TENM2: variants seen among roughly 807,000 people sequenced by gnomAD.
TENM2 encodes teneurin-2.
TENM2 carries 52 observed loss-of-function variants against 245.2 expected under a neutral mutation model. That is an observed-to-expected ratio of 0.21 (90% CI 0.17 to 0.27). The LOEUF is 0.27. TENM2 is among the 10% of genes least tolerant of loss of function. The pLI, the probability that TENM2 is intolerant of heterozygous loss-of-function variation, is 1.00. For synonymous variants in TENM2, 1,363 were observed against 1,438.9 expected (o/e 0.95, Z 1.19); for missense variants, 3,046 against 3,666.8 (o/e 0.83, Z 4.37).
intron 2 of TENM2, among the ~76,000 whole-genome samples, chr5:167,453,363 G>A (rs1339452287): frequency 3.9e-5 from 6 of 151,960 alleles, no homozygotes; most frequent in African/African-American, 7.3e-5. Flanking sequence ...TCCTCTAATT[G>A]AAGAAAGAAA....
intron 3 of TENM2, among the ~76,000 whole-genome samples, chr5:167,876,446 A>G (rs774665551): frequency 3.3e-5 from 5 of 152,172 alleles, no homozygotes; most frequent in Non-Finnish European, 7.3e-5. Context: ...GCCCATTGCT[A>G]CATGTGTGAG....
intron 2 of TENM2, among the ~76,000 whole-genome samples, chr5:167,704,777 AT>A (rs1313760089): frequency 1.3e-5 from 2 of 152,072 alleles, no homozygotes; most frequent in African/African-American, 2.4e-5. Context: ...AGTACTTTAA[AT>A]TTTTGTGCAT....
rs1284767325 is a variant in TENM2 at position 168,064,017 on chromosome 5, T to C, written c.1515+1752T>C. Among the ~76,000 whole-genome samples, 5 of 152,058 alleles carry C rather than the reference T, an allele frequency of 3.3e-5. 1 individual carries two copies. Among genetic ancestry groups the C allele is most frequent in the East Asian group, 3.9e-4 (2 of 5,160 alleles). On this transcript the variant is annotated intron_variant, in intron 7 of 28. Coordinates refer to ENST00000518659, the Ensembl canonical transcript of TENM2. ...AAATATTTATAGGGCTAGACACTGA[T>C]TATCTGGAGATGAGTTAACACAGCC... is the stretch of plus-strand genomic sequence containing the variant.
chr5:168,007,374 C>T (rs1478575723), intron 5 of TENM2, among the ~76,000 whole-genome samples: 1 of 152,148 alleles, frequency 6.6e-6, no homozygotes, highest in East Asian at 1.9e-4. Flanking sequence ...GGTTATCTGC[C>T]CACCTTGGCC....
intron 3 of TENM2, among the ~76,000 whole-genome samples, chr5:167,915,207 A>G (rs1049991947): frequency 3.9e-5 from 6 of 152,120 alleles, no homozygotes; most frequent in Non-Finnish European, 5.9e-5. Context: ...AGATGCTAAC[A>G]TCTCAATGTC....
chr5:167,801,109 AATATATATATATATATAT>A (rs869282464), intron 2 of TENM2, among the ~76,000 whole-genome samples: 20 of 66,552 alleles, frequency 3.0e-4, no homozygotes, highest in African/African-American at 1.0e-3. Context: ...AAAAAAAAAA[AATATATATATATATATAT>A]ATATATATAT....
At chr5:167,374,535 T>C (rs1379678976) in intron 1 of TENM2, among the ~76,000 whole-genome samples, 1 of 152,126 alleles carries the variant, frequency 6.6e-6, no homozygotes, top group African/African-American at 2.4e-5. Context: ...GCCCAGATAT[T>C]ATAGATGAGA....
chr5:167,827,368 A>G (rs991012272), intron 2 of TENM2, among the ~76,000 whole-genome samples: 3 of 152,164 alleles, frequency 2.0e-5, no homozygotes, highest in African/African-American at 7.2e-5. Context: ...CAGTAACAAT[A>G]TTGAATTAAA....
chr5:168,133,237 A>G (rs1254587980), intron 12 of TENM2, among the ~76,000 whole-genome samples: 1 of 152,236 alleles, frequency 6.6e-6, no homozygotes, highest in Non-Finnish European at 1.5e-5. Flanking sequence ...AAATATAACT[A>G]GCACATCAAA....
At chr5:167,836,849 A>G (rs1014823502) in intron 2 of TENM2, among the ~76,000 whole-genome samples, 1 of 152,208 alleles carries the variant, frequency 6.6e-6, no homozygotes, top group Non-Finnish European at 1.5e-5. Flanking sequence ...CAAACCGGCT[A>G]TCTCAGCCGG....
chr5:168,003,652 C>T (rs190815375), intron 5 of TENM2, among the ~76,000 whole-genome samples: 244 of 152,226 alleles, frequency 1.6e-3, no homozygotes, highest in African/African-American at 5.4e-3. Context: ...GAAAAGCAAT[C>T]GTTGTGAATT....
chr5:167,415,680 A>G (rs1763130067), intron 2 of TENM2, among the ~76,000 whole-genome samples: 1 of 152,102 alleles, frequency 6.6e-6, no homozygotes, highest in Non-Finnish European at 1.5e-5. Context: ...CAAAAAAAAA[A>G]GTACTGATTT....
chr5:167,572,043 C>T (rs1774300320), intron 2 of TENM2, among the ~76,000 whole-genome samples: 1 of 152,188 alleles, frequency 6.6e-6, no homozygotes, highest in Admixed American at 6.5e-5. Flanking sequence ...TCTGTTCAGC[C>T]CCTGTGTGTT....
chr5:167,723,083 C>A (rs1759745099), intron 2 of TENM2, among the ~76,000 whole-genome samples: 1 of 152,068 alleles, frequency 6.6e-6, no homozygotes, highest in Non-Finnish European at 1.5e-5. Context: ...GTGATTATAA[C>A]CCTATTGGCA....
the TENM2 span, among the ~76,000 whole-genome samples, chr5:167,073,270 G>A: frequency 6.6e-6 from 1 of 151,998 alleles, no homozygotes; most frequent in South Asian, 2.1e-4. Context: ...TTGCCTAAGC[G>A]GTCTGGGGCT....
rs140306135 is a variant in TENM2 at position 167,916,280 on chromosome 5, G to A, written c.713-36308G>A. 3.3e-5 allele frequency among the ~76,000 whole-genome samples: 5 copies of A among 152,274 alleles called. No homozygotes were observed. The East Asian group carries it at 9.7e-4, about 29-fold the overall frequency. On this transcript the variant is annotated intron_variant, in intron 3 of 28. Coordinates refer to ENST00000518659, the Ensembl canonical transcript of TENM2. ...TCCTGGATGTCCAGTCTTGGAACCA[G>A]CTCCGAATCCATTGAAAGGCCCCTG...
At chr5:167,046,199 C>T in the TENM2 span, among the ~76,000 whole-genome samples, 4 of 152,050 alleles carry the variant, frequency 2.6e-5, no homozygotes, top group Non-Finnish European at 4.4e-5. Context: ...TCTGTGTGGA[C>T]GTCTCTCACC....
chr5:168,070,813 G>C (rs1301439261), intron 7 of TENM2, among the ~76,000 whole-genome samples: 1 of 133,422 alleles, frequency 7.5e-6, no homozygotes, highest in Non-Finnish European at 1.7e-5. Flanking sequence ...GAGAGAGAGA[G>C]AGAGAGAAAA....
intron 5 of TENM2, among the ~76,000 whole-genome samples, chr5:168,031,754 A>G: frequency 7.2e-6 from 1 of 138,306 alleles, no homozygotes; most frequent in African/African-American, 2.7e-5. Context: ...GGAGGAAGGG[A>G]GGAAAGGAGG....
Sources: gnomAD v4.1 joint callset for allele counts (sites outside exome capture counted in the v4.1 genomes callset) on GRCh38, gnomAD v4.1.1 for gene constraint, MANE v1.5 for transcripts, NCBI Gene and HGNC (gene_info 2026-07-23, HGNC 2026-07-21) for gene names.